The following CPNE4 variants were observed in gnomAD, a reference collection of about 807,000 sequenced individuals.
The protein encoded by CPNE4 is copine 4.
Under a neutral mutation model 67.9 loss-of-function variants are expected in CPNE4, and 25 were observed. That is an observed-to-expected ratio of 0.37 (90% CI 0.27 to 0.51). The LOEUF is 0.51. Among genes scored for constraint, CPNE4 ranks in the 20% least tolerant of loss-of-function variants. The probability of loss-of-function intolerance (pLI) is 0.93; values close to 1 mark genes in which losing one functional copy is unlikely to be tolerated. For missense variants in CPNE4, 464 were observed against 690.8 expected, an observed-to-expected ratio of 0.67 and a Z score of 3.68; for synonymous variants, 242 against 244.9, an observed-to-expected ratio of 0.99 and a Z score of 0.11.
chr3:131,795,732 G>A (rs1000549532), intron 2 of CPNE4, among the ~76,000 whole-genome samples: 3 of 152,210 alleles, frequency 2.0e-5, no homozygotes, highest in African/African-American at 7.2e-5. Flanking sequence ...TAACAAGGCT[G>A]TATTTTGAAC....
chr3:131,767,388 A>G (rs2083048374), intron 2 of CPNE4, among the ~76,000 whole-genome samples: 1 of 152,096 alleles, frequency 6.6e-6, no homozygotes, highest in Non-Finnish European at 1.5e-5. Context: ...CCCTTTACAG[A>G]AAACTGAAGA....
At chr3:131,607,927 G>T (rs914378667) in intron 7 of CPNE4, among the ~76,000 whole-genome samples, 3 of 152,104 alleles carry the variant, frequency 2.0e-5, no homozygotes, top group African/African-American at 7.2e-5. Flanking sequence ...CAAGTGCAGG[G>T]TTGCCGCTTG....
intron 1 of CPNE4, among the ~76,000 whole-genome samples, chr3:132,008,044 A>C (rs891963168): frequency 3.3e-5 from 5 of 152,216 alleles, no homozygotes; most frequent in South Asian, 2.1e-4. Flanking sequence ...TGGAATTCCC[A>C]GTCCCTAGAT....
intron 2 of CPNE4, among the ~76,000 whole-genome samples, chr3:131,800,065 T>C (rs1385170555): frequency 6.6e-6 from 1 of 151,912 alleles, no homozygotes; most frequent in Non-Finnish European, 1.5e-5. Context: ...GATGCTGAGG[T>C]TTGGGCTTCT....
intron 2 of CPNE4, among the ~76,000 whole-genome samples, chr3:131,764,311 C>G (rs1322136533): frequency 6.6e-6 from 1 of 151,286 alleles, no homozygotes; most frequent in Non-Finnish European, 1.5e-5. Flanking sequence ...TAAAAAGAAA[C>G]CTTAAAGGTC....
chr3:131,624,811 A>G (rs572167837), intron 7 of CPNE4, among the ~76,000 whole-genome samples: 6 of 152,324 alleles, frequency 3.9e-5, no homozygotes, highest in African/African-American at 1.2e-4. Context: ...CTACACTCAC[A>G]TAGCACTTTA....
intron 5 of CPNE4, among the ~76,000 whole-genome samples, chr3:131,694,779 T>C (rs1222592892): frequency 6.6e-6 from 1 of 152,160 alleles, no homozygotes; most frequent in African/African-American, 2.4e-5. Flanking sequence ...AGAGCTAGTG[T>C]AGAACCTCCA....
At chr3:131,863,612 G>T (rs536955473) in intron 2 of CPNE4, among the ~76,000 whole-genome samples, 1 of 152,156 alleles carries the variant, frequency 6.6e-6, no homozygotes, top group Non-Finnish European at 1.5e-5. Context: ...TTAGCCCTTT[G>T]TCAGATGAGT....
At position 131,535,150 on chromosome 3, in the gene CPNE4, T is replaced by G. The variant is rs1413109295; in HGVS notation, c.*45A>C. Reference sequence around the variant, plus strand: ...AGTAGAAGTATTAAATATGAAATATTAGCAGGAATAGTATTTCAGAACTCT... The same window carrying G: ...AGTAGAAGTATTAAATATGAAATATGAGCAGGAATAGTATTTCAGAACTCT... On this transcript the variant is annotated 3_prime_UTR_variant, in exon 16 of 16. Transcript: ENST00000429747. The G allele has an allele frequency of 1.3e-6, 2 of 1,534,142 alleles. No homozygotes were observed. Among genetic ancestry groups the G allele is most frequent in the Non-Finnish European group, 1.8e-6 (2 of 1,136,604 alleles).
At chr3:131,690,690 G>A (rs1254101554) in intron 5 of CPNE4, among the ~76,000 whole-genome samples, 1 of 151,160 alleles carries the variant, frequency 6.6e-6, no homozygotes, top group African/African-American at 2.4e-5. Flanking sequence ...AAAGAATATT[G>A]ACAAGTGAGA....
At chr3:131,759,228 G>C (rs542691909) in intron 2 of CPNE4, among the ~76,000 whole-genome samples, 83 of 152,070 alleles carry the variant, frequency 5.5e-4, no homozygotes, top group Non-Finnish European at 8.8e-4. Context: ...CAGGATCTAG[G>C]GGTAACCAGT....
chr3:131,540,658 G>T (rs1935432867), intron 15 of CPNE4, among the ~76,000 whole-genome samples: 1 of 152,158 alleles, frequency 6.6e-6, no homozygotes, highest in African/African-American at 2.4e-5. Flanking sequence ...GATGTGTCTG[G>T]ATATATCTGA....
intron 8 of CPNE4, among the ~76,000 whole-genome samples, chr3:131,586,726 A>ATCTATCTATCTG (rs1333232108): frequency 1.1e-4 from 14 of 129,598 alleles, no homozygotes; most frequent in African/African-American, 4.1e-4. Flanking sequence ...TTCTATCTCT[A>ATCTATCTATCTG]TCTGTCTGTC....
Position 131,673,300 on chromosome 3 carries a change from T to A in CPNE4, c.592-3536A>T, listed in dbSNP as rs2080471934. 2.0e-5 allele frequency among the ~76,000 whole-genome samples: 3 copies of A among 152,180 alleles called. No homozygotes were observed. The South Asian group carries it at 6.2e-4, about 32-fold the overall frequency. On this transcript the variant is annotated intron_variant, in intron 6 of 15. Coordinates refer to ENST00000429747, the MANE Select transcript of CPNE4 (RefSeq NM_130808.3). ...CCAGTTTTGTTCTTTTTGCTTAGGATAGCTTCGGCTATTCTGGGTCTTTCA... is the reference window on the plus strand; with the variant it reads ...CCAGTTTTGTTCTTTTTGCTTAGGAAAGCTTCGGCTATTCTGGGTCTTTCA...
At chr3:131,554,587 C>T (rs1176080186) in intron 12 of CPNE4, among the ~76,000 whole-genome samples, 1 of 152,092 alleles carries the variant, frequency 6.6e-6, no homozygotes, top group Non-Finnish European at 1.5e-5. Flanking sequence ...CCACTATTCA[C>T]TCTAGGAGCA....
rs754330078 is a variant in CPNE4 at position 131,581,651 on chromosome 3, G to A, written c.795C>T (p.Cys265=). The change falls in exon 9 of 16, where the codon TGC becomes TGT. Residue 265 remains cysteine (C), a synonymous_variant. Transcript: ENST00000429747. Reference sequence around the variant, plus strand: ...TCTTGGCTTTGTACTTGGGATTGATGCACTCCCACTGCACCTGAAAGAAGG... The same window carrying A: ...TCTTGGCTTTGTACTTGGGATTGATACACTCCCACTGCACCTGAAAGAAGG... ...AMEGKQVQWE[C]INPKYKAKKK... 1 of 1,608,884 alleles carries A rather than the reference G, an allele frequency of 6.2e-7. No individual in the cohort carries two copies. Among genetic ancestry groups the A allele is most frequent in the Non-Finnish European group, 8.5e-7 (1 of 1,175,262 alleles).
intron 2 of CPNE4, among the ~76,000 whole-genome samples, chr3:131,886,569 C>T (rs562680098): frequency 1.3e-5 from 2 of 152,302 alleles, no homozygotes; most frequent in Non-Finnish European, 2.9e-5. Flanking sequence ...TGACAGTGCA[C>T]TGTGCACCTG....
At chr3:131,749,155 A>G (rs1333591694) in intron 2 of CPNE4, among the ~76,000 whole-genome samples, 1 of 152,088 alleles carries the variant, frequency 6.6e-6, no homozygotes, top group Admixed American at 6.6e-5. Context: ...ATTCACTTCA[A>G]TGTATTTTTA....
At chr3:131,622,309 A>G (rs1000498159) in intron 7 of CPNE4, among the ~76,000 whole-genome samples, 1 of 152,190 alleles carries the variant, frequency 6.6e-6, no homozygotes, top group African/African-American at 2.4e-5. Flanking sequence ...TGCTGTAAAC[A>G]TGGTTTCATT....
Sources: gnomAD v4.1 joint callset for allele counts (sites outside exome capture counted in the v4.1 genomes callset) on GRCh38, gnomAD v4.1.1 for gene constraint, MANE v1.5 for transcripts, NCBI Gene and HGNC (gene_info 2026-07-23, HGNC 2026-07-21) for gene names.